TRPM6: variants seen among roughly 807,000 people sequenced by gnomAD.
TRPM6 encodes channel kinase 2.
Under a neutral mutation model 247.6 loss-of-function variants are expected in TRPM6, and 111 were observed. The ratio of observed to expected loss-of-function variants is 0.45; its 90% CI spans 0.38 to 0.52. The LOEUF is 0.52. TRPM6 is among the 20% of genes least tolerant of loss of function. The probability of loss-of-function intolerance (pLI) is 0.00; values close to 1 mark genes in which losing one functional copy is unlikely to be tolerated. For synonymous variants in TRPM6, 892 were observed against 853.8 expected (o/e 1.04, Z -0.78); for missense variants, 2,126 against 2,421.5 (o/e 0.88, Z 2.56).
chr9:74,839,890 G>GAAGA, intron 5 of TRPM6, 134 bp downstream of exon 5: 1 of 585,154 alleles, frequency 1.7e-6, no homozygotes. Context: ...AGGAAGGAAG[G>GAAGA]AAGGAGGGAG....
chr9:74,840,516 C>G (rs1374743046), intron 4 of TRPM6, among the ~76,000 whole-genome samples: 1 of 152,124 alleles, frequency 6.6e-6, no homozygotes, highest in East Asian at 1.9e-4. Context: ...TGGGGTGAGG[C>G]AGAAATACTT....
intron 6 of TRPM6, among the ~76,000 whole-genome samples, chr9:74,830,267 A>AT (rs1182449966): frequency 6.6e-6 from 1 of 152,062 alleles, no homozygotes; most frequent in Non-Finnish European, 1.5e-5. Flanking sequence ...ATTAGGTATT[A>AT]TTTTATACCT....
chr9:74,872,059 G>T (rs137960851), intron 1 of TRPM6, among the ~76,000 whole-genome samples: 7,240 of 152,006 alleles, frequency 0.048, 244 homozygotes, highest in South Asian at 0.079. Flanking sequence ...CACTATGTTG[G>T]CCAGGCTGGT....
At chr9:74,816,515 C>A (rs1049480404) in intron 11 of TRPM6, among the ~76,000 whole-genome samples, 154 bp downstream of exon 11, 1 of 148,498 alleles carries the variant, frequency 6.7e-6, no homozygotes, top group African/African-American at 2.5e-5. Context: ...AAGGCAAAGT[C>A]GATGGGAAAA....
intron 1 of TRPM6, among the ~76,000 whole-genome samples, chr9:74,885,929 G>A (rs1309558712): frequency 6.6e-6 from 1 of 152,004 alleles, no homozygotes; most frequent in East Asian, 1.9e-4. Context: ...AATAAAAAGT[G>A]AGAAATTTGA....
chr9:74,737,516 C>A, intron 36 of TRPM6: 2 of 892,380 alleles, frequency 2.2e-6, no homozygotes, highest in Non-Finnish European at 3.2e-6. Flanking sequence ...GATGGTTATA[C>A]CCTCTACATA....
chr9:74,739,532 G>A, intron 34 of TRPM6, 83 bp from the exon 35 acceptor site: 1 of 1,526,060 alleles, frequency 6.6e-7, no homozygotes, highest in Non-Finnish European at 9.1e-7. Context: ...CTACCCCAAT[G>A]TGATTTTTAG....
Position 74,744,105 on chromosome 9 carries a change from A to T in TRPM6, c.5124T>A (p.His1708Gln). ...GCATATGCATCCTACCTGAATAATG[A>T]TGGTGAGGCTCTTGAGGGCTTTTTA... ...ASLKSPQEPH[H>Q]HYSAIERNNL... The change falls in exon 32 of 39, where the codon CAT (histidine) becomes CAA (glutamine). Residue 1708 changes from histidine (H) to glutamine (Q), a missense_variant. Physicochemically the swap from His to Gln is conservative, Grantham distance 24. Around this residue, in one of 3 missense-constraint regions of TRPM6, gnomAD observed 327 missense variants for 397.7 expected, o/e 0.82. Transcript: ENST00000360774. The T allele has an allele frequency of 5.6e-6, 9 of 1,614,074 alleles. No homozygotes were observed. The highest frequency in any genetic ancestry group is 5.9e-6 in the Non-Finnish European group (7 of 1,179,970).
chr9:74,817,153 A>G (rs1042474899), intron 9 of TRPM6, among the ~76,000 whole-genome samples, 189 bp from the exon 10 acceptor site: 16 of 152,158 alleles, frequency 1.1e-4, no homozygotes, highest in Admixed American at 2.6e-4. Context: ...CTTGGGGGGG[A>G]AAAAACTAAA....
chr9:74,857,399 A>C (rs1446154040), intron 2 of TRPM6, among the ~76,000 whole-genome samples: 1 of 152,198 alleles, frequency 6.6e-6, no homozygotes, highest in Non-Finnish European at 1.5e-5. Context: ...ACAAATGCCC[A>C]AAAAAATCTA....
chr9:74,754,980 T>C (rs1826386200), intron 28 of TRPM6, among the ~76,000 whole-genome samples: 1 of 152,194 alleles, frequency 6.6e-6, no homozygotes, highest in Non-Finnish European at 1.5e-5. Context: ...ACCCACTGAA[T>C]TCTGTGTAGC....
chr9:74,854,093 C>T (rs572704696), intron 3 of TRPM6, among the ~76,000 whole-genome samples: 5 of 152,224 alleles, frequency 3.3e-5, no homozygotes, highest in East Asian at 1.9e-4. Flanking sequence ...GTATATAACA[C>T]AGACAGCATC....
At chr9:74,863,828 C>T (rs966997666) in intron 1 of TRPM6, among the ~76,000 whole-genome samples, 10 of 151,766 alleles carry the variant, frequency 6.6e-5, no homozygotes, top group African/African-American at 1.9e-4. Context: ...CCTTGTTATC[C>T]GCCCAACTCG....
intron 5 of TRPM6, 117 bp from the exon 6 acceptor site, chr9:74,834,239 G>T: frequency 8.0e-7 from 1 of 1,250,942 alleles, no homozygotes; most frequent in Non-Finnish European, 1.2e-6. Flanking sequence ...CTTAGGGAGA[G>T]TTGCTGGTAC....
chr9:74,788,762 T>A lies in TRPM6; in HGVS notation c.2539-20A>T, dbSNP rs1564014936. On this transcript the variant is annotated intron_variant, in intron 19 of 38. Transcript: ENST00000360774. ...CGCCATCTGTGAGGGGGACACACAT[T>A]CCCCAGATGTGAGTGAGAGCAAGCA... 1 of 1,612,590 alleles carries A rather than the reference T, an allele frequency of 6.2e-7. No homozygotes were observed. The highest frequency in any genetic ancestry group is 1.7e-5 in the Admixed American group (1 of 59,920).
chr9:74,846,250 G>A (rs1830103439), intron 3 of TRPM6, among the ~76,000 whole-genome samples: 1 of 152,094 alleles, frequency 6.6e-6, no homozygotes, highest in South Asian at 2.1e-4. Flanking sequence ...GTCAATTTAT[G>A]GCCCAGTACA....
chr9:74,748,685 C>T (rs953937354), intron 30 of TRPM6, among the ~76,000 whole-genome samples: 4 of 152,050 alleles, frequency 2.6e-5, no homozygotes, highest in African/African-American at 9.7e-5. Context: ...TTTGTACAAC[C>T]ATACAATGTA....
At chr9:74,769,077 T>C (rs1826924813) in intron 25 of TRPM6, among the ~76,000 whole-genome samples, 4 of 152,226 alleles carry the variant, frequency 2.6e-5, no homozygotes, top group Admixed American at 2.6e-4. Flanking sequence ...GTCAGCACTC[T>C]GCCACACAGT....
At chr9:74,817,298 C>T (rs930950707) in intron 9 of TRPM6, among the ~76,000 whole-genome samples, 9 of 152,292 alleles carry the variant, frequency 5.9e-5, no homozygotes, top group Middle Eastern at 6.8e-3. Context: ...AAAGAGACAA[C>T]GAATGAAATC....
Sources: allele counts gnomAD v4.1 joint callset (sites outside exome capture counted in the v4.1 genomes callset), GRCh38; gene constraint gnomAD v4.1.1; regional missense constraint gnomAD v4.1.1; transcripts MANE v1.5; gene names NCBI Gene and HGNC (gene_info 2026-07-23, HGNC 2026-07-21).